GPHN: variants seen among roughly 807,000 people sequenced by gnomAD.
GPHN encodes the protein gephyrin.
GPHN carries 17 observed loss-of-function variants against 95.5 expected under a neutral mutation model. That is an observed-to-expected ratio of 0.18 (90% CI 0.12 to 0.27). The LOEUF is 0.27. Among genes scored for constraint, GPHN ranks in the 10% least tolerant of loss-of-function variants. The pLI, the probability that GPHN is intolerant of heterozygous loss-of-function variation, is 1.00. For missense variants in GPHN, 660 were observed against 978.1 expected (o/e 0.67, Z 4.34); for synonymous variants, 320 against 322.5 (o/e 0.99, Z 0.08).
rs1403242134 is a variant in GPHN at position 66,553,048 on chromosome 14, T to C, written c.64+44457T>C. 4.6e-5 allele frequency among the ~76,000 whole-genome samples: 7 copies of C among 151,714 alleles called. 1 individual carries two copies. The highest frequency in any genetic ancestry group is 1.7e-4 in the African/African-American group (7 of 41,160). On this transcript the variant is annotated intron_variant, in intron 1 of 22. Coordinates refer to ENST00000478722, the MANE Select transcript of GPHN (RefSeq NM_020806.5). ...TGTTGTTTCCCAGGCTGGAGTGCAG[T>C]GGCACGATCTTGGCTCACTGTAACC... is the stretch of plus-strand genomic sequence containing the variant.
intron 2 of GPHN, among the ~76,000 whole-genome samples, chr14:66,719,099 A>G (rs1284647386): frequency 6.6e-6 from 1 of 152,196 alleles, no homozygotes; most frequent in African/African-American, 2.4e-5. Context: ...GTGGGCAAGC[A>G]GGGCTGAGAA....
intron 9 of GPHN, among the ~76,000 whole-genome samples, chr14:67,005,369 TA>T (rs2072528621): frequency 6.6e-6 from 1 of 151,952 alleles, no homozygotes; most frequent in African/African-American, 2.4e-5. Context: ...TTTACATTTT[TA>T]TTCTCATTTT....
chr14:66,639,890 T>G (rs2064301119), intron 1 of GPHN, among the ~76,000 whole-genome samples: 2 of 152,174 alleles, frequency 1.3e-5, no homozygotes, highest in Non-Finnish European at 2.9e-5. Flanking sequence ...TTGGGAGATT[T>G]TATATGTAAA....
chr14:67,195,560 G>A, the GPHN span, among the ~76,000 whole-genome samples: 2 of 152,174 alleles, frequency 1.3e-5, no homozygotes, highest in Non-Finnish European at 2.9e-5. Flanking sequence ...TTTCCAAAAT[G>A]TGCACTCTTT....
the GPHN span, among the ~76,000 whole-genome samples, chr14:67,641,445 T>TAC: frequency 6.6e-6 from 1 of 152,234 alleles, no homozygotes; most frequent in Admixed American, 6.5e-5. Context: ...GCTGTGTAAC[T>TAC]TGGGCGGTTA....
At chr14:66,839,784 T>G (rs146821218) in intron 4 of GPHN, among the ~76,000 whole-genome samples, 1,840 of 145,090 alleles carry the variant, frequency 0.013, 20 homozygotes, top group Non-Finnish European at 0.018. Flanking sequence ...TTTAGTTAAT[T>G]GTGTGATACT....
intron 4 of GPHN, among the ~76,000 whole-genome samples, chr14:66,870,858 G>A (rs146015156): frequency 5.6e-4 from 86 of 152,240 alleles, no homozygotes; most frequent in Non-Finnish European, 7.8e-4. Flanking sequence ...GTGTAATACG[G>A]TGAACAATTC....
At chr14:67,708,918 G>C in the GPHN span, among the ~76,000 whole-genome samples, 1 of 151,272 alleles carries the variant, frequency 6.6e-6, no homozygotes, top group Non-Finnish European at 1.5e-5. Flanking sequence ...TCAGCCTCAC[G>C]AGTAGCTGGG....
At chr14:67,350,260 T>C in the GPHN span, among the ~76,000 whole-genome samples, 9 of 151,912 alleles carry the variant, frequency 5.9e-5, no homozygotes, top group Admixed American at 3.9e-4. Context: ...CTTTCCCTAA[T>C]ATTCCAAAAA....
chr14:66,515,202 T>C (rs572032277), intron 1 of GPHN, among the ~76,000 whole-genome samples: 14 of 152,302 alleles, frequency 9.2e-5, no homozygotes, highest in African/African-American at 3.1e-4. Flanking sequence ...TTGAGATATA[T>C]GGTTATGTTC....
At chr14:67,642,749 T>C in the GPHN span, among the ~76,000 whole-genome samples, 1 of 150,182 alleles carries the variant, frequency 6.7e-6, no homozygotes, top group Non-Finnish European at 1.5e-5. Context: ...GCATTTCTGC[T>C]AATAGACCTG....
intron 4 of GPHN, among the ~76,000 whole-genome samples, chr14:66,835,317 T>C (rs1242694421): frequency 1.3e-5 from 2 of 151,550 alleles, no homozygotes; most frequent in African/African-American, 4.9e-5. Context: ...GTGTTTGCTC[T>C]TGCTTTTCTA....
chr14:66,773,922 G>A (rs1383301635), intron 2 of GPHN, among the ~76,000 whole-genome samples: 1 of 151,432 alleles, frequency 6.6e-6, no homozygotes, highest in Non-Finnish European at 1.5e-5. Flanking sequence ...ACTATCATTG[G>A]GCCCTAGATA....
chr14:67,203,089 C>A, the GPHN span: 1 of 1,610,414 alleles, frequency 6.2e-7, no homozygotes, highest in Non-Finnish European at 8.5e-7. Context: ...GTTTTCTGCA[C>A]TCAGGTCAAC....
intron 1 of GPHN, among the ~76,000 whole-genome samples, chr14:66,510,982 T>C (rs2058021310): frequency 6.6e-6 from 1 of 152,088 alleles, no homozygotes; most frequent in Admixed American, 6.5e-5. Context: ...CAGCTACAGA[T>C]TTGGAATAAG....
chr14:66,779,678 T>G (rs2059536253), intron 3 of GPHN, among the ~76,000 whole-genome samples: 1 of 152,074 alleles, frequency 6.6e-6, no homozygotes, highest in Non-Finnish European at 1.5e-5. Context: ...ATTGGAGTTT[T>G]ATACAGAAGC....
At chr14:67,677,257 A>G in the GPHN span, 1 of 152,120 alleles carries the variant, frequency 6.6e-6, no homozygotes, top group African/African-American at 2.4e-5. Context: ...AGACAATGTA[A>G]GGAAATGCCC....
chr14:66,737,834 A>G (rs2072436204), intron 2 of GPHN, among the ~76,000 whole-genome samples: 1 of 152,240 alleles, frequency 6.6e-6, no homozygotes, highest in Admixed American at 6.5e-5. Flanking sequence ...TAGATGTGGT[A>G]TGCTAGAAGT....
chr14:67,134,179 T>C (rs1032270618), intron 17 of GPHN, among the ~76,000 whole-genome samples: 1 of 152,234 alleles, frequency 6.6e-6, no homozygotes, highest in Non-Finnish European at 1.5e-5. Context: ...ACAACTTAGC[T>C]GTTAGGTTTT....
Sources: gnomAD v4.1 joint callset for allele counts (sites outside exome capture counted in the v4.1 genomes callset) on GRCh38, gnomAD v4.1.1 for gene constraint, MANE v1.5 for transcripts, NCBI Gene and HGNC (gene_info 2026-07-23, HGNC 2026-07-21) for gene names.